The following KCNAB1 variants were observed in gnomAD, a reference collection of about 807,000 sequenced individuals.
KCNAB1 encodes voltage-gated potassium channel subunit beta-1.
A neutral mutation model predicts 64.6 loss-of-function variants in KCNAB1; 35 were observed. The observed-to-expected ratio is 0.54, with a 90% CI of 0.41 to 0.72. KCNAB1 has a LOEUF of 0.72. Among genes scored for constraint, KCNAB1 ranks in the 30% least tolerant of loss-of-function variants. The pLI is 0.00. For missense variants in KCNAB1, 401 were observed against 512.9 expected (o/e 0.78, Z 2.11); for synonymous variants, 177 against 183.8 (o/e 0.96, Z 0.30).
chr3:156,493,955 C>T (rs1715821016), intron 8 of KCNAB1, among the ~76,000 whole-genome samples: 1 of 152,078 alleles, frequency 6.6e-6, no homozygotes, highest in South Asian at 2.1e-4. Context: ...TATGGTGGTA[C>T]CTACCAGGCT....
intron 1 of KCNAB1, among the ~76,000 whole-genome samples, chr3:156,379,112 C>T (rs897907870): frequency 6.6e-6 from 1 of 152,214 alleles, no homozygotes; most frequent in Non-Finnish European, 1.5e-5. Flanking sequence ...CTGGGAAGAA[C>T]TCTGTGAGCA....
At chr3:156,490,156 C>G (rs1715528989) in intron 8 of KCNAB1, among the ~76,000 whole-genome samples, 1 of 151,970 alleles carries the variant, frequency 6.6e-6, no homozygotes, top group South Asian at 2.1e-4. Flanking sequence ...TCACCCATGT[C>G]CAGGTCACCA....
At chr3:156,483,058 G>T (rs1277536140) in intron 8 of KCNAB1, among the ~76,000 whole-genome samples, 1 of 152,072 alleles carries the variant, frequency 6.6e-6, no homozygotes, top group African/African-American at 2.4e-5. Flanking sequence ...TAGAATTCAC[G>T]CAGGAGAAAG....
intron 1 of KCNAB1, among the ~76,000 whole-genome samples, chr3:156,232,365 A>G (rs1217367994): frequency 6.6e-6 from 1 of 152,268 alleles, no homozygotes; most frequent in African/African-American, 2.4e-5. Flanking sequence ...GAAATACCAG[A>G]TACTTACTTA....
intron 1 of KCNAB1, among the ~76,000 whole-genome samples, chr3:156,405,485 TAC>T (rs1301528595): frequency 1.3e-5 from 2 of 152,200 alleles, no homozygotes; most frequent in Admixed American, 1.3e-4. Flanking sequence ...ATTTTCTCAG[TAC>T]AGTAACTTTC....
intron 1 of KCNAB1, among the ~76,000 whole-genome samples, chr3:156,398,209 G>A (rs1713609977): frequency 6.6e-6 from 1 of 152,092 alleles, no homozygotes; most frequent in Non-Finnish European, 1.5e-5. Flanking sequence ...ACAAGGAGGG[G>A]AATAACACAC....
chr3:156,420,291 A>G (rs913916760), intron 1 of KCNAB1, among the ~76,000 whole-genome samples: 1 of 152,234 alleles, frequency 6.6e-6, no homozygotes, highest in Non-Finnish European at 1.5e-5. Flanking sequence ...CAACCCCGGA[A>G]AGAAAAGGGA....
chr3:156,362,366 C>T (rs1033381271), intron 1 of KCNAB1, among the ~76,000 whole-genome samples: 1 of 152,204 alleles, frequency 6.6e-6, no homozygotes, highest in African/African-American at 2.4e-5. Flanking sequence ...ATACTGTGCT[C>T]ATGTGAACTT....
chr3:156,520,411 T>C lies in KCNAB1; in HGVS notation c.961-3416T>C, dbSNP rs182721135. ...GCCTGGGCAAAATGACGAAACCCCATCTCTACAAAAATACAAAAAATTAGC... is the reference window on the plus strand; with the variant it reads ...GCCTGGGCAAAATGACGAAACCCCACCTCTACAAAAATACAAAAAATTAGC... On this transcript the variant is annotated intron_variant, in intron 11 of 13. Coordinates refer to ENST00000490337, the MANE Select transcript of KCNAB1 (RefSeq NM_172160.3). Among the ~76,000 whole-genome samples the C allele has an allele frequency of 2.9e-3, 439 of 152,064 alleles. 4 individuals are homozygous for C. Among genetic ancestry groups the C allele is most frequent in the African/African-American group, 0.01 (426 of 41,460 alleles).
chr3:156,475,145 A>G (rs1357225828), intron 8 of KCNAB1, among the ~76,000 whole-genome samples: 2 of 152,232 alleles, frequency 1.3e-5, no homozygotes, highest in East Asian at 3.8e-4. Flanking sequence ...TTTATAACTC[A>G]GCCATCATCG....
chr3:156,453,198 A>T, intron 3 of KCNAB1: 2 of 320,926 alleles, frequency 6.2e-6, no homozygotes, highest in Non-Finnish European at 1.1e-5. Flanking sequence ...AATTAACATT[A>T]GTCACTTTAT....
chr3:156,388,792 C>A (rs1250069218), intron 1 of KCNAB1, among the ~76,000 whole-genome samples: 1 of 152,220 alleles, frequency 6.6e-6, no homozygotes, highest in African/African-American at 2.4e-5. Context: ...TGTTCACCAG[C>A]TGCACAGCAA....
At chr3:156,482,856 AT>A (rs1714929384) in intron 8 of KCNAB1, among the ~76,000 whole-genome samples, 1 of 152,016 alleles carries the variant, frequency 6.6e-6, no homozygotes, top group Non-Finnish European at 1.5e-5. Flanking sequence ...TACTGCTGTA[AT>A]TTTTTTATGC....
upstream of KCNAB1, among the ~76,000 whole-genome samples, chr3:156,119,029 C>T (rs561569480): frequency 2.0e-5 from 3 of 152,220 alleles, no homozygotes; most frequent in Admixed American, 6.5e-5. Context: ...ATGCTTCAGG[C>T]TGCACATTAC....
chr3:156,195,832 T>G (rs1021138061), intron 1 of KCNAB1, among the ~76,000 whole-genome samples: 3 of 152,210 alleles, frequency 2.0e-5, no homozygotes, highest in African/African-American at 7.2e-5. Flanking sequence ...TGGTCACTGC[T>G]TTTGGTGTTT....
intron 1 of KCNAB1, among the ~76,000 whole-genome samples, chr3:156,369,407 G>A (rs1234281172): frequency 6.6e-6 from 1 of 152,170 alleles, no homozygotes; most frequent in African/African-American, 2.4e-5. Flanking sequence ...GAACATTCTT[G>A]TATGTATCTT....
chr3:156,233,746 C>G (rs564631047), intron 1 of KCNAB1, among the ~76,000 whole-genome samples: 1 of 151,972 alleles, frequency 6.6e-6, no homozygotes, highest in African/African-American at 2.4e-5. Flanking sequence ...CTCTGGATCT[C>G]TCTTCAGTAA....
intron 1 of KCNAB1, among the ~76,000 whole-genome samples, chr3:156,333,127 T>C (rs192409994): frequency 1.3e-3 from 191 of 152,306 alleles, no homozygotes; most frequent in Non-Finnish European, 2.3e-3. Context: ...TGTCTTACCC[T>C]ACTCTTTTTA....
At position 156,320,217 on chromosome 3, in the gene KCNAB1, A is replaced by G. The variant is rs139475779; in HGVS notation, c.276-101399A>G. 3.9e-5 allele frequency among the ~76,000 whole-genome samples: 6 copies of G among 152,338 alleles called. 1 individual carries two copies. The East Asian group carries it at 9.6e-4, about 24-fold the overall frequency. Reference sequence around the variant, plus strand: ...GTCAATAATTGAGTTACCCTCAGTTATGCTGCCCTGAATCAAAGCTATTTT... The same window carrying G: ...GTCAATAATTGAGTTACCCTCAGTTGTGCTGCCCTGAATCAAAGCTATTTT... On this transcript the variant is annotated intron_variant, in intron 1 of 13. Transcript: ENST00000490337.
Sources: allele counts gnomAD v4.1 joint callset (sites outside exome capture counted in the v4.1 genomes callset), GRCh38; gene constraint gnomAD v4.1.1; transcripts MANE v1.5; gene names NCBI Gene and HGNC (gene_info 2026-07-23, HGNC 2026-07-21).